The following RNF13 variants were observed in gnomAD, a reference collection of about 807,000 sequenced individuals.
RNF13 encodes ring finger protein 13.
A neutral mutation model predicts 37.7 loss-of-function variants in RNF13; 19 were observed. The ratio of observed to expected loss-of-function variants is 0.50; its 90% CI spans 0.35 to 0.74. The LOEUF (loss-of-function observed/expected upper bound fraction) is 0.74. RNF13 is among the 30% of genes least tolerant of loss of function. The probability of loss-of-function intolerance (pLI) is 0.01; values close to 1 mark genes in which losing one functional copy is unlikely to be tolerated. For synonymous variants in RNF13, 144 were observed against 157.8 expected, an observed-to-expected ratio of 0.91 and a Z score of 0.65; for missense variants, 375 against 453.0, an observed-to-expected ratio of 0.83 and a Z score of 1.56.
chr3:149,829,593 C>A (rs1024883429), intron 1 of RNF13, among the ~76,000 whole-genome samples: 1 of 152,114 alleles, frequency 6.6e-6, no homozygotes, highest in African/African-American at 2.4e-5. Flanking sequence ...ATTTGCTGGG[C>A]AAACTTCTGC....
At chr3:149,884,125 G>A (rs763852763) in intron 4 of RNF13, among the ~76,000 whole-genome samples, 18 of 152,016 alleles carry the variant, frequency 1.2e-4, no homozygotes, top group East Asian at 7.7e-4. Flanking sequence ...GGTCAATTCC[G>A]TATCTTTGTT....
At chr3:149,848,152 C>G (rs1180904187) in intron 2 of RNF13, among the ~76,000 whole-genome samples, 4 of 151,984 alleles carry the variant, frequency 2.6e-5, no homozygotes, top group Admixed American at 2.6e-4. Context: ...TCATTCAGCC[C>G]CTTGAGAAGA....
chr3:149,960,914 G>C lies in RNF13; in HGVS notation c.956G>C (p.Ser319Thr). Residue 319 changes from serine to threonine, a missense_variant, in exon 10 of 10, where the codon AGT (serine) becomes ACT (threonine). By Grantham distance (58) the Ser-to-Thr change is moderately conservative (BLOSUM62 1). Transcript: ENST00000392894. The part of the protein sequence containing the change: ...TPLLRPLASV[S>T]AQSFGALSES... ...TTACTGAGACCTTTAGCTTCTGTCA[G>C]TGCCCAGTCATTTGGGGCTTTATCG... 1.9e-6 allele frequency: 3 copies of C among 1,614,192 alleles called. No homozygotes were observed. The highest frequency in any genetic ancestry group is 2.5e-6 in the Non-Finnish European group (3 of 1,180,030).
intron 1 of RNF13, among the ~76,000 whole-genome samples, chr3:149,837,279 A>G (rs1364291827): frequency 6.6e-6 from 1 of 152,338 alleles, no homozygotes; most frequent in East Asian, 1.9e-4. Context: ...AAATAGTGTA[A>G]TGAATCTCAA....
intron 8 of RNF13, among the ~76,000 whole-genome samples, chr3:149,937,057 G>A (rs1719765194): frequency 6.6e-6 from 1 of 152,110 alleles, no homozygotes; most frequent in African/African-American, 2.4e-5. Context: ...CAGAGGACCC[G>A]TGGAATGTGC....
intron 8 of RNF13, among the ~76,000 whole-genome samples, chr3:149,953,311 T>C (rs991703502): frequency 2.6e-5 from 4 of 152,164 alleles, no homozygotes; most frequent in African/African-American, 9.7e-5. Flanking sequence ...CTCAGTGGAG[T>C]CATCTGATTG....
At chr3:149,887,539 A>G (rs923425042) in intron 4 of RNF13, among the ~76,000 whole-genome samples, 5 of 152,124 alleles carry the variant, frequency 3.3e-5, no homozygotes, top group Non-Finnish European at 5.9e-5. Context: ...GAATCAAACA[A>G]TCCTACTGTC....
At chr3:149,873,805 CA>C (rs1712368630) in intron 4 of RNF13, among the ~76,000 whole-genome samples, 1 of 152,130 alleles carries the variant, frequency 6.6e-6, no homozygotes, top group African/African-American at 2.4e-5. Context: ...ATACTTCCTT[CA>C]TTGCTTTTTA....
At chr3:149,923,888 G>A (rs1718397529) in intron 8 of RNF13, among the ~76,000 whole-genome samples, 2 of 152,106 alleles carry the variant, frequency 1.3e-5, no homozygotes, top group African/African-American at 4.8e-5. Flanking sequence ...TTGGAACAGA[G>A]GAGAGAGAGA....
Position 149,895,348 on chromosome 3 carries a change from C to CT in RNF13, c.322-121dup, listed in dbSNP as rs1382759534. 15 of 591,946 alleles carry CT rather than the reference C, an allele frequency of 2.5e-5. No homozygotes were observed. The African/African-American group carries it at 2.7e-4, about 11-fold the overall frequency. 36.7% of individuals were successfully genotyped at this position (591,946 alleles called of 1,614,324 possible). A position where few individuals can be genotyped will look rare whatever the true frequency, so the allele number is the denominator to read the frequency against. On this transcript the variant is annotated intron_variant, in intron 4 of 9. Coordinates refer to ENST00000392894, the MANE Select transcript of RNF13 (RefSeq NM_183381.3). Reference sequence around the variant, plus strand: ...GCAAAACAGATTAATGCTTTGAGTCCTTTTAATGTTTTAGCTTGTATCCTC... The same window carrying CT: ...GCAAAACAGATTAATGCTTTGAGTCCTTTTTAATGTTTTAGCTTGTATCCTC...
intron 4 of RNF13, among the ~76,000 whole-genome samples, chr3:149,884,878 T>C (rs1308466812): frequency 6.6e-6 from 1 of 151,756 alleles, no homozygotes; most frequent in Non-Finnish European, 1.5e-5. Context: ...TTTTTTTTTG[T>C]ACCCATTAAC....
At chr3:149,880,258 G>A (rs1161548957) in intron 4 of RNF13, among the ~76,000 whole-genome samples, 1 of 152,206 alleles carries the variant, frequency 6.6e-6, no homozygotes, top group Non-Finnish European at 1.5e-5. Context: ...TGGGTGGGCT[G>A]AAATGGGGCC....
At chr3:149,856,713 G>A (rs544521118) in intron 3 of RNF13, among the ~76,000 whole-genome samples, 422 of 152,112 alleles carry the variant, frequency 2.8e-3, no homozygotes, top group Non-Finnish European at 4.9e-3. Flanking sequence ...AAAGTGATGG[G>A]ATTGTAGGCA....
intron 1 of RNF13, among the ~76,000 whole-genome samples, chr3:149,840,783 A>AG (rs1722104193): frequency 6.6e-6 from 1 of 152,198 alleles, no homozygotes; most frequent in Admixed American, 6.5e-5. Flanking sequence ...CTAGCTTGGT[A>AG]GGAGGTAGGA....
At chr3:149,873,368 T>C (rs1043188936) in intron 4 of RNF13, among the ~76,000 whole-genome samples, 1 of 152,190 alleles carries the variant, frequency 6.6e-6, no homozygotes, top group Non-Finnish European at 1.5e-5. Context: ...AATACTGTTA[T>C]TGAATATCTG....
chr3:149,860,919 AAGAC>A (rs1419273621), intron 3 of RNF13, among the ~76,000 whole-genome samples: 4 of 152,178 alleles, frequency 2.6e-5, no homozygotes, highest in Admixed American at 6.5e-5. Context: ...CAGCAGCAAA[AAGAC>A]AGTCTGATTT....
chr3:149,909,442 A>ATTT (rs35918938), intron 6 of RNF13, among the ~76,000 whole-genome samples: 38 of 114,388 alleles, frequency 3.3e-4, no homozygotes, highest in South Asian at 8.9e-4. Flanking sequence ...TGCCTGGTTA[A>ATTT]TTTTTTTTTT....
At chr3:149,844,783 A>G (rs932610439) in intron 1 of RNF13, among the ~76,000 whole-genome samples, 2 of 152,210 alleles carry the variant, frequency 1.3e-5, no homozygotes, top group African/African-American at 4.8e-5. Context: ...TTGAGATACA[A>G]TTCTCACATT....
chr3:149,888,279 TC>T (rs1714274007), intron 4 of RNF13, among the ~76,000 whole-genome samples: 1 of 152,172 alleles, frequency 6.6e-6, no homozygotes, highest in Non-Finnish European at 1.5e-5. Flanking sequence ...TCTTTTAACT[TC>T]CCAATTAAAA....
Sources: allele counts gnomAD v4.1 joint callset (sites outside exome capture counted in the v4.1 genomes callset), GRCh38; gene constraint gnomAD v4.1.1; transcripts MANE v1.5; gene names NCBI Gene and HGNC (gene_info 2026-07-23, HGNC 2026-07-21).